The following ECE1 variants were observed in gnomAD, a reference collection of about 807,000 sequenced individuals.
ECE1 encodes the protein endothelin-converting enzyme 1.
ECE1 carries 35 observed loss-of-function variants against 98.6 expected under a neutral mutation model. That is an observed-to-expected ratio of 0.35 (90% CI 0.27 to 0.47). The LOEUF is 0.47. ECE1 is among the 20% of genes least tolerant of loss of function. ECE1 has a pLI of 1.00. For synonymous variants in ECE1, 394 were observed against 407.1 expected (o/e 0.97, Z 0.39); for missense variants, 814 against 1,025.3 (o/e 0.79, Z 2.81).
In ECE1 at chr1:21,321,155, C is replaced by A. The variant is rs944715888; in HGVS notation, c.3+24221G>T. Among the ~76,000 whole-genome samples, 3 of 152,296 alleles carry A rather than the reference C, an allele frequency of 2.0e-5. No individual in the cohort carries two copies. The South Asian group carries it at 6.2e-4, about 32-fold the overall frequency. ...CAAGGGTCCCAGAGCTAGTGCGTGG[C>A]GGAGCTGGGGACTCAAACCCAGGTT... is the stretch of plus-strand genomic sequence containing the variant. On this transcript the variant is annotated intron_variant, in intron 1 of 18. Transcript: ENST00000415912.
intron 1 of ECE1, among the ~76,000 whole-genome samples, chr1:21,309,983 G>A (rs769061063): frequency 7.4e-5 from 11 of 149,428 alleles, no homozygotes; most frequent in African/African-American, 2.7e-4. Flanking sequence ...GTAGAGACGG[G>A]GTTTCACCGT....
chr1:21,254,735 G>C (rs1346359408), intron 8 of ECE1, among the ~76,000 whole-genome samples: 1 of 152,174 alleles, frequency 6.6e-6, no homozygotes, highest in African/African-American at 2.4e-5. Context: ...AAGAGTGCCA[G>C]ATGGTATCTA....
In ECE1 at chr1:21,327,328, CT is replaced by C. The variant is rs1469724867; in HGVS notation, c.3+18047del. 2.6e-5 allele frequency among the ~76,000 whole-genome samples: 4 copies of C among 152,184 alleles called. No homozygotes were observed. Among genetic ancestry groups the C allele is most frequent in the African/African-American group, 7.2e-5 (3 of 41,444 alleles). On this transcript the variant is annotated intron_variant, in intron 1 of 18. Coordinates refer to the ECE1 transcript ENST00000415912. The surrounding 1 kb of genome is among the most constrained non-coding windows in gnomAD (Gnocchi z 4.6). ...CGGTGGCTCATGCAACCTTTCTGGG[CT>C]CTGTTTTCTCATTTGTCAAAGCGAC...
upstream of ECE1, among the ~76,000 whole-genome samples, chr1:21,294,886 C>T (rs34263283): frequency 0.019 from 2,849 of 152,342 alleles, 41 homozygotes; most frequent in Middle Eastern, 0.12. This position sits in a 1 kb window ranked among gnomAD's most constrained non-coding sequence, Gnocchi z 4.2. Context: ...TCCTTAGAGA[C>T]GCTGCCCTTT....
intron 1 of ECE1, among the ~76,000 whole-genome samples, chr1:21,336,020 AG>A (rs941584599): frequency 5.9e-5 from 9 of 152,244 alleles, no homozygotes; most frequent in Non-Finnish European, 1.2e-4. Flanking sequence ...CCCTGGGGGC[AG>A]GGGCAGGGCT....
intron 3 of ECE1, 72 bp from the exon 4 acceptor site, chr1:21,272,983 T>C (rs1470492730): frequency 1.8e-5 from 28 of 1,566,460 alleles, no homozygotes; most frequent in Non-Finnish European, 2.5e-5. Flanking sequence ...AGAAGGGGGC[T>C]TGGGGCCCAG....
chr1:21,273,105 C>T (rs2098242284), intron 3 of ECE1, among the ~76,000 whole-genome samples, 194 bp from the exon 4 acceptor site: 1 of 152,258 alleles, frequency 6.6e-6, no homozygotes. Flanking sequence ...ACTCAGCTGT[C>T]TAAAATCCTT....
intron 1 of ECE1, among the ~76,000 whole-genome samples, chr1:21,304,703 C>T (rs1638560177): frequency 6.6e-6 from 1 of 152,116 alleles, no homozygotes; most frequent in Non-Finnish European, 1.5e-5. Context: ...ATGAGAATGT[C>T]CTGGAAATAC....
At chr1:21,317,592 C>A (rs74061608) in intron 1 of ECE1, among the ~76,000 whole-genome samples, 1,971 of 152,332 alleles carry the variant, frequency 0.013, 50 homozygotes, top group African/African-American at 0.044. Flanking sequence ...GCTCCCCACC[C>A]GCTTCTCAGA....
chr1:21,308,187 C>T (rs1051823369), intron 1 of ECE1, among the ~76,000 whole-genome samples: 2 of 152,224 alleles, frequency 1.3e-5, no homozygotes, highest in African/African-American at 4.8e-5. Flanking sequence ...AAATGGCCAA[C>T]CTTTTGAGTC....
intron 10 of ECE1, among the ~76,000 whole-genome samples, chr1:21,239,139 G>A (rs1350645598): frequency 2.6e-5 from 4 of 151,982 alleles, no homozygotes; most frequent in East Asian, 1.9e-4. Context: ...GGCTCACCGC[G>A]GGATTGCAAT....
At chr1:21,281,366 A>G (rs1569637779) in intron 2 of ECE1, among the ~76,000 whole-genome samples, 1 of 152,180 alleles carries the variant, frequency 6.6e-6, no homozygotes, top group South Asian at 2.1e-4. Context: ...GTGAGCAATG[A>G]AAGTTTCAGA....
At chr1:21,241,525 C>G (rs976458757) in intron 10 of ECE1, among the ~76,000 whole-genome samples, 2 of 139,882 alleles carry the variant, frequency 1.4e-5, no homozygotes, top group African/African-American at 5.4e-5. Flanking sequence ...TAGGTTCAAG[C>G]AATTCTCCTG....
Position 21,272,689 on chromosome 1 carries a change from G to C in ECE1, c.493+10C>G, listed in dbSNP as rs1352995132. On this transcript the variant is annotated intron_variant, in intron 4 of 18. Coordinates refer to ENST00000374893, the MANE Select transcript of ECE1 (RefSeq NM_001397.3). ...TGGCCCATTTATTGGTCTCCATGCTGGATGCTTACCGAGGAGGTGCTTGAT... is the reference window on the plus strand; with the variant it reads ...TGGCCCATTTATTGGTCTCCATGCTCGATGCTTACCGAGGAGGTGCTTGAT... The C allele has an allele frequency of 2.5e-6, 4 of 1,614,206 alleles. No individual in the cohort carries two copies. The highest frequency in any genetic ancestry group is 2.7e-5 in the African/African-American group (2 of 75,072).
intron 1 of ECE1, among the ~76,000 whole-genome samples, chr1:21,326,972 CCCA>C (rs944878481): frequency 1.3e-5 from 2 of 152,216 alleles, no homozygotes; most frequent in African/African-American, 4.8e-5. Context: ...GCCCCTAAAC[CCCA>C]CCTCTGTGGA....
chr1:21,281,799 C>T (rs1300891389), intron 2 of ECE1, among the ~76,000 whole-genome samples: 5 of 152,186 alleles, frequency 3.3e-5, no homozygotes, highest in African/African-American at 7.2e-5. Context: ...CGGGTTCAAG[C>T]GATTCTCCTG....
chr1:21,221,864 G>C (rs767969016), intron 17 of ECE1, 22 bp from the exon 18 acceptor site: 1 of 1,610,436 alleles, frequency 6.2e-7, no homozygotes, highest in South Asian at 1.1e-5. Context: ...GAAAACCAAA[G>C]CTCAGGGGTT....
At chr1:21,254,242 A>G (rs1443223574) in intron 8 of ECE1, among the ~76,000 whole-genome samples, 1 of 152,092 alleles carries the variant, frequency 6.6e-6, no homozygotes, top group Admixed American at 6.6e-5. Context: ...TAAAAACTCG[A>G]GAGAATCCAT....
At chr1:21,323,228 C>A (rs1025749447) in intron 1 of ECE1, among the ~76,000 whole-genome samples, 3 of 152,270 alleles carry the variant, frequency 2.0e-5, no homozygotes, top group Middle Eastern at 3.4e-3. Context: ...AGTGGATAAG[C>A]TGACCTTGAG....
Sources: gnomAD v4.1 joint callset for allele counts (sites outside exome capture counted in the v4.1 genomes callset) on GRCh38, gnomAD v4.1.1 for gene constraint, Gnocchi (gnomAD v3.1) non-coding constraint, MANE v1.5 for transcripts, NCBI Gene and HGNC (gene_info 2026-07-23, HGNC 2026-07-21) for gene names.